Variants in FAM184A observed in about 807,000 individuals in gnomAD.
FAM184A encodes family with sequence similarity 184 member A, also known as protein FAM184A.
In FAM184A, 99 loss-of-function variants were observed where a neutral mutation model predicts 143.8. The ratio of observed to expected loss-of-function variants is 0.69; its 90% CI spans 0.58 to 0.81. The LOEUF is 0.81. Ranked by LOEUF, FAM184A falls within the 40% of genes least tolerant of loss-of-function variation. The pLI, the probability that FAM184A is intolerant of heterozygous loss-of-function variation, is 0.00. For synonymous variants in FAM184A, 427 were observed against 446.4 expected (o/e 0.96, Z 0.55); for missense variants, 1,217 against 1,310.5 (o/e 0.93, Z 1.10).
At chr6:119,087,498 A>G (rs1788251864) in intron 1 of FAM184A, among the ~76,000 whole-genome samples, 1 of 152,222 alleles carries the variant, frequency 6.6e-6, no homozygotes, top group Non-Finnish European at 1.5e-5. Flanking sequence ...TGGTCAAAAC[A>G]TCACTAATTA....
At chr6:119,105,685 A>G (rs963051149) in intron 1 of FAM184A, among the ~76,000 whole-genome samples, 1 of 152,216 alleles carries the variant, frequency 6.6e-6, no homozygotes, top group Non-Finnish European at 1.5e-5. Flanking sequence ...GTTTATTTAA[A>G]GAATATATGG....
At chr6:119,058,600 C>A (rs1430199262) in intron 1 of FAM184A, among the ~76,000 whole-genome samples, 1 of 152,162 alleles carries the variant, frequency 6.6e-6, no homozygotes, top group Admixed American at 6.5e-5. Flanking sequence ...GAGTCTAGGT[C>A]AGTAGGAGCC....
chr6:119,131,751 G>A (rs923500882), intron 1 of FAM184A, among the ~76,000 whole-genome samples: 1 of 146,268 alleles, frequency 6.8e-6, no homozygotes, highest in Non-Finnish European at 1.5e-5. Context: ...CCAAAGTATT[G>A]GGATTACAGG....
chr6:119,002,959 A>T lies in FAM184A; in HGVS notation c.2028T>A (p.Asp676Glu). Residue 676 changes from aspartate to glutamate, a missense_variant, in exon 9 of 18, where the codon GAT (aspartate) becomes GAA (glutamate). Coordinates refer to ENST00000338891, the MANE Select transcript of FAM184A (RefSeq NM_024581.6). ...AATCTCTTGCTGCATTTTTCTCTCG[A>T]TCTTTCAACTGCAAAAGTTGAGACA... is the stretch of plus-strand genomic sequence containing the variant. ...SAMSQLLQLKDREKNAARDSW... is the reference protein window; with the variant it reads ...SAMSQLLQLKEREKNAARDSW... The T allele has an allele frequency of 6.2e-7, 1 of 1,612,744 alleles. No homozygotes were observed.
chr6:119,011,869 G>A (rs1012429430), intron 5 of FAM184A, among the ~76,000 whole-genome samples: 1 of 152,268 alleles, frequency 6.6e-6, no homozygotes. Flanking sequence ...AAATTAAAGA[G>A]CAAAACTGGT....
rs142109301 is a variant in FAM184A, at chr6:119,004,255, A to G, written c.1816-633T>C. 3.5e-3 allele frequency among the ~76,000 whole-genome samples: 527 copies of G among 152,362 alleles called. 5 individuals are homozygous for G. Among genetic ancestry groups the G allele is most frequent in the African/African-American group, 0.012 (504 of 41,594 alleles). ...GTGGCAACCATCGGCCCCTGCCAGC[A>G]GAGCAGCTGCTCTTGGGACACAAGG... On this transcript the variant is annotated intron_variant, in intron 7 of 17. Transcript: ENST00000338891.
intron 1 of FAM184A, among the ~76,000 whole-genome samples, chr6:119,070,373 AC>A (rs1787637186): frequency 6.6e-6 from 1 of 152,180 alleles, no homozygotes; most frequent in Non-Finnish European, 1.5e-5. Context: ...GGTTAAGCAT[AC>A]CAAAATACAA....
chr6:119,144,101 G>A (rs1347498812), intron 1 of FAM184A, among the ~76,000 whole-genome samples: 1 of 151,904 alleles, frequency 6.6e-6, no homozygotes, highest in Admixed American at 6.6e-5. Flanking sequence ...GCCGAGGCGG[G>A]TGGATCACGA....
intron 1 of FAM184A, among the ~76,000 whole-genome samples, chr6:119,143,557 C>G (rs953877485): frequency 7.2e-5 from 11 of 152,156 alleles, no homozygotes; most frequent in Admixed American, 5.2e-4. Context: ...TGGAAACAAT[C>G]GAAGTATCCC....
chr6:118,995,834 T>C (rs1784527769), intron 9 of FAM184A, among the ~76,000 whole-genome samples: 1 of 152,258 alleles, frequency 6.6e-6, no homozygotes, highest in Admixed American at 6.5e-5. Context: ...GTTGATTTGT[T>C]ACTATAATGC....
intron 1 of FAM184A, among the ~76,000 whole-genome samples, chr6:119,118,702 C>T (rs1035364042): frequency 2.0e-5 from 3 of 152,088 alleles, no homozygotes; most frequent in Non-Finnish European, 2.9e-5. Flanking sequence ...CCATCATTTT[C>T]GTAAGCTGAG....
chr6:119,101,069 C>CTTTTTTTT (rs34570036), intron 1 of FAM184A, among the ~76,000 whole-genome samples: 1 of 139,714 alleles, frequency 7.2e-6, no homozygotes, highest in Non-Finnish European at 1.5e-5. Context: ...AATGCACTTT[C>CTTTTTTTT]TTTTTTTTTT....
chr6:119,034,037 TATATAGAGAG>T (rs1247325198), intron 1 of FAM184A, among the ~76,000 whole-genome samples: 130 of 42,086 alleles, frequency 3.1e-3, no homozygotes, highest in African/African-American at 5.6e-3. Context: ...TATATATATA[TATATAGAGAG>T]AGAGAGAGAG....
At chr6:119,028,664 C>G (rs527934600) in intron 1 of FAM184A, among the ~76,000 whole-genome samples, 27 of 152,296 alleles carry the variant, frequency 1.8e-4, no homozygotes, top group African/African-American at 6.0e-4. Flanking sequence ...TCTCTTCCCT[C>G]TAACTAACTT....
At chr6:119,078,839 C>CG (rs1468915812), upstream of FAM184A, 1 of 153,824 alleles carries the variant, frequency 6.5e-6, no homozygotes, top group Non-Finnish European at 1.5e-5. This position sits in a 1 kb window ranked among gnomAD's most constrained non-coding sequence, Gnocchi z 5.5. Context: ...CGCAGCCCCG[C>CG]GGCCAGTGCG....
chr6:118,974,392 A>G, intron 14 of FAM184A, 36 bp downstream of exon 14: 1 of 1,567,310 alleles, frequency 6.4e-7, no homozygotes, highest in Non-Finnish European at 8.7e-7. Context: ...TAAATTTATT[A>G]TCCACATATG....
chr6:119,024,049 C>T lies in FAM184A; in HGVS notation c.924G>A (p.Glu308=). The T allele has an allele frequency of 6.2e-7, 1 of 1,614,150 alleles. No homozygotes were observed. The highest frequency in any genetic ancestry group is 8.5e-7 in the Non-Finnish European group (1 of 1,180,028). The change falls in exon 2 of 18, where the codon GAG becomes GAA. Residue 308 remains glutamate, a synonymous_variant. Coordinates refer to ENST00000338891, the MANE Select transcript of FAM184A (RefSeq NM_024581.6). ...CAGCTTCATCCTGTACCATCTGTAA[C>T]TCTGTCTTTAATTTTCCTATAGTTT... is the stretch of plus-strand genomic sequence containing the variant. ...LRKTIGKLKT[E]LQMVQDEAGS... is the part of the protein sequence containing the mutation.
Position 119,110,814 on chromosome 6 carries a change from A to G in FAM184A, c.-202+38264T>C, listed in dbSNP as rs552145207. Among the ~76,000 whole-genome samples, 232 of 152,364 alleles carry G rather than the reference A, an allele frequency of 1.5e-3. 7 individuals are homozygous for G. In the South Asian group the frequency reaches 0.044, roughly 29 times the overall value. On this transcript the variant is annotated intron_variant, in intron 1 of 16. Transcript: ENST00000352896. ...GCTTCCAGCATTTCTTATGTTGAAC[A>G]TAGGCGACCTGGGGAAAAATGTGAA... is the stretch of plus-strand genomic sequence containing the variant.
chr6:119,147,241 G>T (rs995994170), intron 1 of FAM184A, among the ~76,000 whole-genome samples: 1 of 152,048 alleles, frequency 6.6e-6, no homozygotes, highest in Non-Finnish European at 1.5e-5. Flanking sequence ...CAGCTACATA[G>T]TAGTGGCTGG....
Sources: allele counts gnomAD v4.1 joint callset (sites outside exome capture counted in the v4.1 genomes callset), GRCh38; gene constraint gnomAD v4.1.1; non-coding constraint Gnocchi (gnomAD v3.1); transcripts MANE v1.5; gene names NCBI Gene and HGNC (gene_info 2026-07-23, HGNC 2026-07-21).